The following TRPS1 variants were observed in gnomAD, a reference collection of about 807,000 sequenced individuals.
TRPS1 encodes the protein zinc finger transcription factor Trps1.
Under a neutral mutation model 101.2 loss-of-function variants are expected in TRPS1, and 6 were observed. The observed-to-expected ratio is 0.06, with a 90% CI of 0.03 to 0.12. TRPS1 has a LOEUF of 0.12. Among genes scored for constraint, TRPS1 ranks in the 10% least tolerant of loss-of-function variants. The pLI, the probability that TRPS1 is intolerant of heterozygous loss-of-function variation, is 1.00. For missense variants in TRPS1, 1,363 were observed against 1,567.0 expected, an observed-to-expected ratio of 0.87 and a Z score of 2.20; for synonymous variants, 578 against 589.8, an observed-to-expected ratio of 0.98 and a Z score of 0.29.
At chr8:115,555,927 G>A (rs999142084) in intron 5 of TRPS1, among the ~76,000 whole-genome samples, 4 of 152,076 alleles carry the variant, frequency 2.6e-5, no homozygotes, top group Non-Finnish European at 5.9e-5. Context: ...AGGAGGCTGA[G>A]GTGGGAGGAT....
chr8:115,473,592 G>T (rs1304795744), intron 5 of TRPS1, among the ~76,000 whole-genome samples: 2 of 152,070 alleles, frequency 1.3e-5, no homozygotes, highest in African/African-American at 4.8e-5. Flanking sequence ...CAGAAGAGTA[G>T]GGAAGAAGAA....
At chr8:115,605,397 G>A (rs74806663) in intron 3 of TRPS1, among the ~76,000 whole-genome samples, 205 of 152,270 alleles carry the variant, frequency 1.3e-3, no homozygotes, top group African/African-American at 4.7e-3. Flanking sequence ...AAGGTGAAGC[G>A]TTACTGTCAA....
At chr8:115,415,702 A>C (rs1812902989) in intron 6 of TRPS1, among the ~76,000 whole-genome samples, 1 of 152,186 alleles carries the variant, frequency 6.6e-6, no homozygotes, top group Admixed American at 6.6e-5. Context: ...ATGTGAGGGC[A>C]CAGATAGAAG....
chr8:115,517,263 T>C (rs1033938931), intron 5 of TRPS1, among the ~76,000 whole-genome samples: 4 of 151,702 alleles, frequency 2.6e-5, no homozygotes, highest in Non-Finnish European at 4.4e-5. Context: ...ATACAAATCA[T>C]GCAAAAGCTT....
chr8:115,534,164 T>C (rs542644640), intron 5 of TRPS1, among the ~76,000 whole-genome samples: 16 of 150,286 alleles, frequency 1.1e-4, no homozygotes, highest in Non-Finnish European at 2.1e-4. Flanking sequence ...ACACTGGAGA[T>C]TGAAGATCTA....
intron 1 of TRPS1, among the ~76,000 whole-genome samples, chr8:115,625,767 C>T (rs1227323043): frequency 6.6e-6 from 1 of 151,840 alleles, no homozygotes; most frequent in African/African-American, 2.4e-5. Flanking sequence ...CAGACACACA[C>T]ACATCACATT....
At chr8:115,527,783 ATTCTGGTATTACAC>A (rs1816035528) in intron 5 of TRPS1, among the ~76,000 whole-genome samples, 2 of 152,238 alleles carry the variant, frequency 1.3e-5, no homozygotes, top group South Asian at 4.1e-4. Flanking sequence ...AAAAGAAGCC[ATTCTGGTATTACAC>A]TTCAGCTAAT....
chr8:115,515,317 A>T, intron 5 of TRPS1: 1 of 695,022 alleles, frequency 1.4e-6, no homozygotes, highest in Non-Finnish European at 2.6e-6. Flanking sequence ...ACAGTAAAAA[A>T]GTTAGAATTA....
rs376708001 is a variant in TRPS1 at position 115,504,975 on chromosome 8, T to C, written c.2700+82026A>G. Among the ~76,000 whole-genome samples the C allele has an allele frequency of 5.3e-5, 8 of 152,144 alleles. No individual in the cohort carries two copies. In the South Asian group the frequency reaches 1.0e-3, roughly 20 times the overall value. On this transcript the variant is annotated intron_variant, in intron 5 of 6. Transcript: ENST00000395715. ...GCTGGCATTTTTATAAGGCACAGCA[T>C]ATATATCTTCATATTCATATAGAGA...
intron 4 of TRPS1, 97 bp from the exon 5 acceptor site, chr8:115,587,701 G>A (rs970197978): frequency 1.3e-6 from 2 of 1,579,954 alleles, no homozygotes; most frequent in African/African-American, 2.7e-5. Flanking sequence ...ACCTACTCAT[G>A]CAATATAGTA....
chr8:115,521,158 AT>A (rs11362696), intron 5 of TRPS1, among the ~76,000 whole-genome samples: 151,820 of 151,820 alleles, frequency 1, 75,910 homozygotes, highest in Non-Finnish European at 1. Flanking sequence ...TTGTGTTACT[AT>A]TTTCTGGTTC....
rs369266122 is a variant in TRPS1, at chr8:115,422,128, C to A, written c.2701-3676G>T. ...CACTGAACATTCTAAGGAATAAGCACCTAGGACAGTGCTCTGTTAGGCTAA... is the reference window on the plus strand; with the variant it reads ...CACTGAACATTCTAAGGAATAAGCAACTAGGACAGTGCTCTGTTAGGCTAA... On this transcript the variant is annotated intron_variant, in intron 5 of 6. Coordinates refer to ENST00000395715, the MANE Select transcript of TRPS1 (RefSeq NM_014112.5). 5.2e-4 allele frequency among the ~76,000 whole-genome samples: 79 copies of A among 152,110 alleles called. 1 individual carries two copies. Among genetic ancestry groups the A allele is most frequent in the African/African-American group, 1.9e-3 (78 of 41,478 alleles).
chr8:115,544,885 G>A (rs1586386708), intron 5 of TRPS1, among the ~76,000 whole-genome samples: 1 of 151,620 alleles, frequency 6.6e-6, no homozygotes. Flanking sequence ...GAAAGGACAA[G>A]AAAAAAAGCA....
intron 5 of TRPS1, among the ~76,000 whole-genome samples, chr8:115,535,476 C>T (rs1816290662): frequency 1.4e-5 from 2 of 147,886 alleles, no homozygotes; most frequent in African/African-American, 5.0e-5. Flanking sequence ...ATACATATCA[C>T]ACATATATAG....
chr8:115,412,590 T>G lies in TRPS1; in HGVS notation c.*1433A>C, dbSNP rs1812815799. 1 of 152,544 alleles carries G rather than the reference T, an allele frequency of 6.6e-6. No homozygotes were observed. Among genetic ancestry groups the G allele is most frequent in the Non-Finnish European group, 1.5e-5 (1 of 68,006 alleles). The allele number at this position is 152,544 out of a possible 1,614,324, so 9.4% of individuals were successfully genotyped here. On this transcript the variant is annotated 3_prime_UTR_variant, in exon 7 of 7. Coordinates refer to ENST00000395715, the MANE Select transcript of TRPS1 (RefSeq NM_014112.5). ...CTCCCAACTTCTTTAATGAAATAAG[T>G]TAATCTGACAGTGCATCCAGTAGCT... is the stretch of plus-strand genomic sequence containing the variant.
chr8:115,489,199 C>A (rs1400948438), intron 5 of TRPS1, among the ~76,000 whole-genome samples: 1 of 152,118 alleles, frequency 6.6e-6, no homozygotes, highest in Non-Finnish European at 1.5e-5. Flanking sequence ...ATATGAGACA[C>A]CAATAAAATG....
chr8:115,639,901 G>T (rs1818856441), intron 1 of TRPS1, among the ~76,000 whole-genome samples: 2 of 152,246 alleles, frequency 1.3e-5, no homozygotes, highest in South Asian at 4.1e-4. Flanking sequence ...GTCACTTCAT[G>T]AGGTAAACCC....
intron 4 of TRPS1, among the ~76,000 whole-genome samples, chr8:115,592,351 G>A (rs1208114305): frequency 6.6e-6 from 1 of 152,082 alleles, no homozygotes; most frequent in African/African-American, 2.4e-5. Flanking sequence ...AAACTCACAA[G>A]ACATCTCCTA....
chr8:115,663,029 A>G (rs1347414528), intron 1 of TRPS1, among the ~76,000 whole-genome samples: 2 of 152,062 alleles, frequency 1.3e-5, no homozygotes, highest in Non-Finnish European at 2.9e-5. Context: ...TTTCCAAATA[A>G]GAAAGAAATA....
Sources: allele counts gnomAD v4.1 joint callset (sites outside exome capture counted in the v4.1 genomes callset), GRCh38; gene constraint gnomAD v4.1.1; transcripts MANE v1.5; gene names NCBI Gene and HGNC (gene_info 2026-07-23, HGNC 2026-07-21).